GLDC: variants seen among roughly 807,000 people sequenced by gnomAD.
GLDC encodes glycine dehydrogenase (decarboxylating), mitochondrial.
A neutral mutation model predicts 121.3 loss-of-function variants in GLDC; 104 were observed. The ratio of observed to expected loss-of-function variants is 0.86; its 90% CI spans 0.73 to 1.01. The LOEUF (loss-of-function observed/expected upper bound fraction) is 1.01, where lower values mean the gene tolerates loss of function less well. Among genes scored for constraint, GLDC ranks in the 50% least tolerant of loss-of-function variants. The pLI is 0.00. For synonymous variants in GLDC, 546 were observed against 480.6 expected (o/e 1.14, Z -1.78); for missense variants, 1,429 against 1,306.6 (o/e 1.09, Z -1.44).
chr9:6,621,461 CTT>C (rs1819092126), intron 2 of GLDC, among the ~76,000 whole-genome samples: 1 of 152,196 alleles, frequency 6.6e-6, no homozygotes, highest in African/African-American at 2.4e-5. Context: ...CAATCTCACA[CTT>C]TAACTCACTG....
chr9:6,629,238 G>A (rs1242040239), intron 2 of GLDC, among the ~76,000 whole-genome samples: 1 of 144,598 alleles, frequency 6.9e-6, no homozygotes, highest in Non-Finnish European at 1.5e-5. Context: ...TTTTTTTTGA[G>A]ATGGAGTCTT....
chr9:6,612,617 CA>C (rs1432108073), intron 3 of GLDC, among the ~76,000 whole-genome samples: 2 of 152,002 alleles, frequency 1.3e-5, no homozygotes, highest in African/African-American at 4.8e-5. Flanking sequence ...GTAATCCCAG[CA>C]CGTTGGGAGG....
Position 6,588,642 on chromosome 9 carries a change from G to C in GLDC, c.1641C>G (p.Ser547=), listed in dbSNP as rs1818316720. The change falls in exon 13 of 25, where the codon TCC becomes TCG. Residue 547 remains serine, a synonymous_variant. Coordinates refer to ENST00000321612, the MANE Select transcript of GLDC (RefSeq NM_000170.3). ...CCAGTGGAATCATGCTGTGAACAAGGGAAATGTCTTTATTTTCCAGTTTCT... is the reference window on the plus strand; with the variant it reads ...CCAGTGGAATCATGCTGTGAACAAGCGAAATGTCTTTATTTTCCAGTTTCT... The part of the protein sequence containing the change: ...YMKKLENKDI[S]LVHSMIPLGS... 1.2e-6 allele frequency: 2 copies of C among 1,612,386 alleles called. No homozygotes were observed. Among genetic ancestry groups the C allele is most frequent in the East Asian group, 2.2e-5 (1 of 44,896 alleles).
chr9:6,615,682 C>T (rs1035384984), intron 3 of GLDC, among the ~76,000 whole-genome samples: 2 of 149,930 alleles, frequency 1.3e-5, no homozygotes, highest in African/African-American at 4.9e-5. Context: ...GCAATCTCCA[C>T]TCACTGCAGT....
Position 6,610,203 on chromosome 9 carries a change from C to G in GLDC, c.624G>C (p.Gln208His). 1 of 1,611,404 alleles carries G rather than the reference C, an allele frequency of 6.2e-7. No individual in the cohort carries two copies. Among genetic ancestry groups the G allele is most frequent in the Non-Finnish European group, 8.5e-7 (1 of 1,178,746 alleles). Residue 208 changes from glutamine to histidine, a missense_variant, in exon 4 of 25, where the codon CAG becomes CAC. Physicochemically the swap from Gln to His is conservative, Grantham distance 24 (BLOSUM62 0). Coordinates refer to ENST00000321612, the MANE Select transcript of GLDC (RefSeq NM_000170.3). The stretch of plus-strand genomic sequence containing the variant: ...GAGAGGCCTCTCACCTGTAGCACAG[C>G]TGCAGTGCCTCTGCGGCTGCAGTCC... Reference protein sequence around the residue: ...DEGTAAAEALQLCYRHNKRRK... With the variant: ...DEGTAAAEALHLCYRHNKRRK...
chr9:6,602,228 A>T, intron 7 of GLDC, 23 bp from the exon 8 acceptor site: 1 of 1,353,098 alleles, frequency 7.4e-7, no homozygotes. Flanking sequence ...TAAGGCATCC[A>T]GTTAGCACAG....
intron 22 of GLDC, among the ~76,000 whole-genome samples, chr9:6,537,216 G>A (rs948743169): frequency 2.6e-5 from 4 of 152,026 alleles, no homozygotes; most frequent in South Asian, 2.1e-4. Context: ...TTGTTGCATA[G>A]ACAGAGTTTC....
At chr9:6,550,403 G>A (rs747439155) in intron 21 of GLDC, among the ~76,000 whole-genome samples, 5 of 152,096 alleles carry the variant, frequency 3.3e-5, no homozygotes, top group Non-Finnish European at 7.4e-5. Context: ...GAGACAGGTG[G>A]ATCACCTGAG....
intron 15 of GLDC, among the ~76,000 whole-genome samples, chr9:6,578,581 C>A (rs942421344): frequency 6.6e-6 from 1 of 151,416 alleles, no homozygotes; most frequent in African/African-American, 2.4e-5. Context: ...ACTCTGTTGT[C>A]TAGGCTGGAG....
rs547266655 is a variant in GLDC at position 6,551,751 on chromosome 9, G to A, written c.2458-837C>T. On this transcript the variant is annotated intron_variant, in intron 20 of 24. Transcript: ENST00000321612. ...AAGGAGAAGGTATACCAGGTGAGAA[G>A]AATGGCAGAAATGAAGGCGTGGAAG... Among the ~76,000 whole-genome samples, 5 of 152,242 alleles carry A rather than the reference G, an allele frequency of 3.3e-5. No individual in the cohort carries two copies. In the South Asian group the frequency reaches 8.3e-4, roughly 25 times the overall value.
At chr9:6,555,492 G>A (rs1325462326) in intron 18 of GLDC, among the ~76,000 whole-genome samples, 2 of 152,122 alleles carry the variant, frequency 1.3e-5, no homozygotes, top group Non-Finnish European at 2.9e-5. Flanking sequence ...AAAGAGGTCG[G>A]GCGTGGTGGA....
At chr9:6,537,844 C>T (rs1443793544) in intron 22 of GLDC, among the ~76,000 whole-genome samples, 1 of 152,072 alleles carries the variant, frequency 6.6e-6, no homozygotes, top group African/African-American at 2.4e-5. Context: ...CCCATATACC[C>T]ACCACCTAGA....
At position 6,608,113 on chromosome 9, in the gene GLDC, C is replaced by T. The variant is rs568653785; in HGVS notation, c.636-1444G>A. On this transcript the variant is annotated intron_variant, in intron 4 of 24. Transcript: ENST00000321612. ...GCCTGGGTGACAAAGTCAAACCCTG[C>T]CTCAAAAAAACAATTGAGGGCCGGG... Among the ~76,000 whole-genome samples the T allele has an allele frequency of 5.8e-4, 88 of 151,488 alleles. 2 individuals are homozygous for T. In the South Asian group the frequency reaches 0.018, roughly 31 times the overall value.
At chr9:6,534,272 G>T in intron 24 of GLDC, 1 of 185,058 alleles carries the variant, frequency 5.4e-6, no homozygotes, top group Admixed American at 5.4e-5. Flanking sequence ...TTCTCATTAT[G>T]TTTTTATACT....
At chr9:6,538,890 G>A (rs1334366252) in intron 22 of GLDC, among the ~76,000 whole-genome samples, 1 of 152,200 alleles carries the variant, frequency 6.6e-6, no homozygotes, top group East Asian at 1.9e-4. Flanking sequence ...AGATCTTGAG[G>A]ATGGGATTGG....
intron 15 of GLDC, among the ~76,000 whole-genome samples, chr9:6,568,067 T>G (rs755736721): frequency 6.6e-6 from 1 of 152,246 alleles, no homozygotes; most frequent in Non-Finnish European, 1.5e-5. Context: ...TCTATTCATC[T>G]GACTTTCTTG....
intron 15 of GLDC, among the ~76,000 whole-genome samples, chr9:6,586,298 AAAAC>A (rs1423106884): frequency 6.6e-6 from 1 of 152,106 alleles, no homozygotes; most frequent in Admixed American, 6.5e-5. Flanking sequence ...TCCATCTAAA[AAAAC>A]AAATAAATAA....
chr9:6,633,210 TC>T (rs1379248106), intron 2 of GLDC, among the ~76,000 whole-genome samples: 1 of 152,128 alleles, frequency 6.6e-6, no homozygotes, highest in African/African-American at 2.4e-5. Flanking sequence ...GGTCCGTAAC[TC>T]CCTGCCTGAA....
At chr9:6,562,373 T>C (rs900527821) in intron 16 of GLDC, among the ~76,000 whole-genome samples, 8 of 152,084 alleles carry the variant, frequency 5.3e-5, no homozygotes. Flanking sequence ...AGCACATGAT[T>C]TCCCCACACT....
Sources: allele counts gnomAD v4.1 joint callset (sites outside exome capture counted in the v4.1 genomes callset), GRCh38; gene constraint gnomAD v4.1.1; transcripts MANE v1.5; gene names NCBI Gene and HGNC (gene_info 2026-07-23, HGNC 2026-07-21).